ACTR3: variants seen among roughly 807,000 people sequenced by gnomAD.
ACTR3 encodes actin related protein 3.
A neutral mutation model predicts 56.8 loss-of-function variants in ACTR3; 12 were observed. That is an observed-to-expected ratio of 0.21 (90% CI 0.14 to 0.34). The LOEUF is 0.34. ACTR3 is among the 10% of genes least tolerant of loss of function. The pLI is 1.00. For synonymous variants in ACTR3, 162 were observed against 167.4 expected, an observed-to-expected ratio of 0.97 and a Z score of 0.25; for missense variants, 282 against 512.5, an observed-to-expected ratio of 0.55 and a Z score of 4.34.
chr2:113,925,194 C>CCTTTT (rs1559473847), intron 3 of ACTR3, among the ~76,000 whole-genome samples: 1 of 105,200 alleles, frequency 9.5e-6, no homozygotes, highest in Non-Finnish European at 1.9e-5. Flanking sequence ...ATCGTGCCAC[C>CCTTTT]TTTTTTTTTT....
Position 113,959,419 on chromosome 2 carries a change from G to A in ACTR3, c.*1964G>A, listed in dbSNP as rs1680285951. 6.6e-6 allele frequency: 1 copy of A among 151,864 alleles called. No individual in the cohort carries two copies. Among genetic ancestry groups the A allele is most frequent in the Admixed American group, 6.6e-5 (1 of 15,232 alleles). 9.4% of individuals were successfully genotyped at this position (151,864 alleles called of 1,614,324 possible). ...ATGTCTTTTCCACCGGCGATGGTTG[G>A]GTAGTTAAGTGAATAAGCTAGAAAG... On this transcript the variant is annotated 3_prime_UTR_variant, in exon 12 of 12. Transcript: ENST00000263238.
At chr2:113,944,911 G>T (rs1679989091) in intron 8 of ACTR3, among the ~76,000 whole-genome samples, 1 of 152,140 alleles carries the variant, frequency 6.6e-6, no homozygotes, top group Non-Finnish European at 1.5e-5. Flanking sequence ...TTTTAGTTGT[G>T]CAATAGTGTC....
At chr2:113,929,672 T>TA (rs1679683463) in intron 4 of ACTR3, among the ~76,000 whole-genome samples, 1 of 151,942 alleles carries the variant, frequency 6.6e-6, no homozygotes. Flanking sequence ...AGATTTGGCT[T>TA]ATCAATCTTT....
At chr2:113,931,888 CATT>C (rs1679729478) in intron 5 of ACTR3, among the ~76,000 whole-genome samples, 1 of 149,790 alleles carries the variant, frequency 6.7e-6, no homozygotes, top group Admixed American at 6.7e-5. Context: ...GAGCTGACCT[CATT>C]TTTTTTTTTT....
chr2:113,942,259 T>G lies in ACTR3; in HGVS notation c.758T>G (p.Ile253Ser). Residue 253 changes from isoleucine to serine, a missense_variant, in exon 8 of 12, where the codon ATT becomes AGT. Physicochemically the swap from Ile to Ser is moderately radical, Grantham distance 142. Coordinates refer to ENST00000263238, the MANE Select transcript of ACTR3 (RefSeq NM_005721.5). ...NKYDTDGSKW[I>S]KQYTGINAIS... Reference sequence around the variant, plus strand: ...TATGATACAGATGGGTCAAAATGGATTAAACAGTATACTGGAATCAATGCT... The same window carrying G: ...TATGATACAGATGGGTCAAAATGGAGTAAACAGTATACTGGAATCAATGCT... The G allele has an allele frequency of 6.2e-7, 1 of 1,606,550 alleles. No individual in the cohort carries two copies. The highest frequency in any genetic ancestry group is 1.7e-5 in the Admixed American group (1 of 58,334).
chr2:113,909,392 A>T (rs1679260409), intron 1 of ACTR3, among the ~76,000 whole-genome samples: 1 of 152,154 alleles, frequency 6.6e-6, no homozygotes, highest in African/African-American at 2.4e-5. Flanking sequence ...TCAGTCTGGT[A>T]AGCTGGTTAA....
chr2:113,906,098 T>A (rs1679187844), intron 1 of ACTR3, among the ~76,000 whole-genome samples: 1 of 152,230 alleles, frequency 6.6e-6, no homozygotes, highest in Non-Finnish European at 1.5e-5. Context: ...TTGCACCATT[T>A]TAAACTCTCA....
intron 1 of ACTR3, among the ~76,000 whole-genome samples, chr2:113,908,914 T>C (rs1451620107): frequency 6.6e-6 from 1 of 152,148 alleles, no homozygotes; most frequent in East Asian, 1.9e-4. Flanking sequence ...CCAAATTAGC[T>C]TTTAGAGTCT....
chr2:113,957,100 T>C (rs1160589790), intron 11 of ACTR3, among the ~76,000 whole-genome samples: 1 of 152,192 alleles, frequency 6.6e-6, no homozygotes, highest in Non-Finnish European at 1.5e-5. Context: ...TTTTCAAAAT[T>C]TCAGAATCCT....
intron 6 of ACTR3, 43 bp downstream of exon 6, chr2:113,934,429 C>T: frequency 8.2e-7 from 1 of 1,221,578 alleles, no homozygotes; most frequent in East Asian, 2.6e-5. Flanking sequence ...TGAAATAACA[C>T]ATCTGGCAAA....
chr2:113,951,738 G>C lies in ACTR3; in HGVS notation c.970G>C (p.Gly324Arg). The C allele has an allele frequency of 6.2e-7, 1 of 1,611,762 alleles. No homozygotes were observed. The change falls in exon 10 of 12, where the codon GGT becomes CGT. Residue 324 changes from glycine to arginine, a missense_variant. Coordinates refer to ENST00000263238, the MANE Select transcript of ACTR3 (RefSeq NM_005721.5). Reference sequence around the variant, plus strand: ...CCACTAGAATATTGTCCTCTCTGGAGGTTCAACCATGTTCAGGGACTTTGG... The same window carrying C: ...CCACTAGAATATTGTCCTCTCTGGACGTTCAACCATGTTCAGGGACTTTGG... The part of the protein sequence containing the change: ...PLYKNIVLSG[G>R]STMFRDFGRR...
intron 1 of ACTR3, among the ~76,000 whole-genome samples, chr2:113,893,284 G>T (rs929395655): frequency 1.4e-5 from 2 of 143,214 alleles, no homozygotes; most frequent in Non-Finnish European, 3.0e-5. Flanking sequence ...TTTGCTTTTT[G>T]TTTTTTTGTT....
At chr2:113,943,082 G>A (rs1451876044) in intron 8 of ACTR3, among the ~76,000 whole-genome samples, 1 of 152,098 alleles carries the variant, frequency 6.6e-6, no homozygotes, top group East Asian at 1.9e-4. Context: ...TGCTCTTACT[G>A]AGCTCAAAGA....
chr2:113,930,200 T>C (rs1310459077), intron 4 of ACTR3, among the ~76,000 whole-genome samples: 2 of 152,152 alleles, frequency 1.3e-5, no homozygotes, highest in Non-Finnish European at 2.9e-5. Context: ...GTTTTTAGTT[T>C]ACTTAATTTT....
In ACTR3 at chr2:113,895,623, G is replaced by A. The variant is rs79789723; in HGVS notation, c.44+5300G>A. On this transcript the variant is annotated intron_variant, in intron 1 of 11. Coordinates refer to ENST00000263238, the MANE Select transcript of ACTR3 (RefSeq NM_005721.5). ...AGAAATTCTGAAACCTGGTATTGGC[G>A]GTGGAGTTGGAGCAGAAGAGATAAG... Among the ~76,000 whole-genome samples the A allele has an allele frequency of 4.4e-3, 664 of 152,260 alleles. 5 individuals are homozygous for A. The highest frequency in any genetic ancestry group is 0.015 in the African/African-American group (639 of 41,544).
intron 8 of ACTR3, among the ~76,000 whole-genome samples, chr2:113,942,919 A>G (rs999782218): frequency 2.6e-5 from 4 of 152,242 alleles, no homozygotes; most frequent in African/African-American, 9.6e-5. Flanking sequence ...TATTAATAGA[A>G]TTACTAATAT....
chr2:113,957,563 T>A lies in ACTR3; in HGVS notation c.*108T>A. The stretch of plus-strand genomic sequence containing the variant: ...TTGAGGTTTTAAACCTGACTTGAAA[T>A]AGTAACACCAAACATGATTATACAG... On this transcript the variant is annotated 3_prime_UTR_variant, in exon 12 of 12. Coordinates refer to ENST00000263238, the MANE Select transcript of ACTR3 (RefSeq NM_005721.5). 1 of 760,572 alleles carries A rather than the reference T, an allele frequency of 1.3e-6. No homozygotes were observed. Among genetic ancestry groups the A allele is most frequent in the South Asian group, 1.5e-5 (1 of 65,498 alleles). The allele number at this position is 760,572 out of a possible 1,614,324, so 47.1% of individuals were successfully genotyped here. A position where few individuals can be genotyped will look rare whatever the true frequency, so the allele number is the denominator to read the frequency against.
chr2:113,929,117 C>G (rs1679672368), intron 4 of ACTR3, among the ~76,000 whole-genome samples: 1 of 150,296 alleles, frequency 6.7e-6, no homozygotes, highest in African/African-American at 2.5e-5. Flanking sequence ...TGATGAATAC[C>G]TGGGCTATTT....
chr2:113,940,976 A>G (rs1009609314), intron 7 of ACTR3, among the ~76,000 whole-genome samples: 2 of 151,952 alleles, frequency 1.3e-5, no homozygotes, highest in African/African-American at 4.8e-5. Context: ...GCATATCACC[A>G]TGTCTGGCTA....
Sources: gnomAD v4.1 joint callset for allele counts (sites outside exome capture counted in the v4.1 genomes callset) on GRCh38, gnomAD v4.1.1 for gene constraint, MANE v1.5 for transcripts, NCBI Gene and HGNC (gene_info 2026-07-23, HGNC 2026-07-21) for gene names.